CSNK1G1: variants seen among roughly 807,000 people sequenced by gnomAD.
The protein encoded by CSNK1G1 is casein kinase I isoform gamma-1.
Under a neutral mutation model 59.6 loss-of-function variants are expected in CSNK1G1, and 22 were observed. The observed-to-expected ratio is 0.37, with a 90% CI of 0.26 to 0.53. The LOEUF (loss-of-function observed/expected upper bound fraction) is 0.53, where lower values mean the gene tolerates loss of function less well. CSNK1G1 is among the 20% of genes least tolerant of loss of function. The pLI, the probability that CSNK1G1 is intolerant of heterozygous loss-of-function variation, is 0.89. For synonymous variants in CSNK1G1, 179 were observed against 177.1 expected, an observed-to-expected ratio of 1.01 and a Z score of -0.08; for missense variants, 384 against 519.5, an observed-to-expected ratio of 0.74 and a Z score of 2.54.
chr15:64,209,273 C>T (rs1234309752), intron 6 of CSNK1G1, among the ~76,000 whole-genome samples: 2 of 152,134 alleles, frequency 1.3e-5, no homozygotes, highest in Admixed American at 6.6e-5. Context: ...GACTAAGAGG[C>T]TACCTTCAAC....
intron 1 of CSNK1G1, among the ~76,000 whole-genome samples, chr15:64,329,418 A>G (rs1352217157): frequency 0.014 from 2,088 of 144,664 alleles, 43 homozygotes; most frequent in African/African-American, 0.044. Context: ...CTGCTCCTGA[A>G]TGACTACTGG....
At chr15:64,317,529 TC>T in intron 1 of CSNK1G1, among the ~76,000 whole-genome samples, 1 of 62,512 alleles carries the variant, frequency 1.6e-5, no homozygotes, top group South Asian at 1.1e-3. Context: ...ATAAGGTTTC[TC>T]TTTTTTTTTT....
chr15:64,256,698 G>T (rs1892392401), intron 3 of CSNK1G1, among the ~76,000 whole-genome samples: 2 of 152,070 alleles, frequency 1.3e-5, no homozygotes, highest in African/African-American at 4.8e-5. Flanking sequence ...TAAAGGAGGG[G>T]CTCATTACAC....
intron 4 of CSNK1G1, among the ~76,000 whole-genome samples, chr15:64,221,346 A>G (rs1469531040): frequency 6.6e-6 from 1 of 152,220 alleles, no homozygotes; most frequent in African/African-American, 2.4e-5. Flanking sequence ...ATCTTTTGCC[A>G]GAAGTTTCCA....
chr15:64,292,209 CAAAA>C (rs771506245), intron 2 of CSNK1G1, among the ~76,000 whole-genome samples: 19 of 55,180 alleles, frequency 3.4e-4, no homozygotes, highest in Admixed American at 8.0e-4. Flanking sequence ...GACTCCGTCA[CAAAA>C]AAAAAAAAAA....
chr15:64,264,920 T>C (rs1424721149), intron 2 of CSNK1G1, among the ~76,000 whole-genome samples: 1 of 152,168 alleles, frequency 6.6e-6, no homozygotes, highest in Non-Finnish European at 1.5e-5. Context: ...AATATCAGAC[T>C]GAATGGGGAA....
At chr15:64,344,029 T>C (rs1265723994) in intron 1 of CSNK1G1, among the ~76,000 whole-genome samples, 1 of 152,092 alleles carries the variant, frequency 6.6e-6, no homozygotes, top group East Asian at 1.9e-4. Context: ...TTTAGCCCCT[T>C]CCTTCCCCAA....
intron 10 of CSNK1G1, chr15:64,189,423 T>G: frequency 7.8e-7 from 1 of 1,290,278 alleles, no homozygotes; most frequent in Non-Finnish European, 1.0e-6. Context: ...CCTCTTCCCC[T>G]GTGCCAGATG....
chr15:64,285,556 G>A (rs1276613920), intron 2 of CSNK1G1, among the ~76,000 whole-genome samples: 2 of 152,028 alleles, frequency 1.3e-5, no homozygotes, highest in Non-Finnish European at 2.9e-5. Context: ...CCTCAAAAAG[G>A]ACCCTACTCT....
chr15:64,186,084 G>C lies in CSNK1G1; in HGVS notation c.1108-5630C>G, dbSNP rs2081891386. Among the ~76,000 whole-genome samples the C allele has an allele frequency of 2.0e-5, 3 of 151,860 alleles. No individual in the cohort carries two copies. The South Asian group carries it at 6.2e-4, about 32-fold the overall frequency. On this transcript the variant is annotated intron_variant, in intron 10 of 11. Coordinates refer to ENST00000303052, the MANE Select transcript of CSNK1G1 (RefSeq NM_022048.5). Reference sequence around the variant, plus strand: ...GTTTCTTTCCTGTGCTGGATCTCTGGTTTCCTGGATCCCAGATATTCCTTT... The same window carrying C: ...GTTTCTTTCCTGTGCTGGATCTCTGCTTTCCTGGATCCCAGATATTCCTTT...
intron 1 of CSNK1G1, among the ~76,000 whole-genome samples, chr15:64,303,299 T>TAA (rs58473266): frequency 1.4e-5 from 2 of 142,686 alleles, no homozygotes; most frequent in Admixed American, 6.9e-5. Flanking sequence ...AAAATTAAAT[T>TAA]AAAAAAAAAA....
Position 64,299,438 on chromosome 15 carries a change from C to A in CSNK1G1, c.181+881G>T, listed in dbSNP as rs1046636920. On this transcript the variant is annotated intron_variant, in intron 2 of 11. Coordinates refer to ENST00000303052, the MANE Select transcript of CSNK1G1 (RefSeq NM_022048.5). ...CCTGTCTCTACTAAAAATACAAAAA[C>A]AAAATTAGCCGGGCGTGGTGGCGGA... is the stretch of plus-strand genomic sequence containing the variant. 5.9e-5 allele frequency among the ~76,000 whole-genome samples: 9 copies of A among 151,596 alleles called. No homozygotes were observed. In the South Asian group the frequency reaches 1.2e-3, roughly 21 times the overall value.
At chr15:64,172,861 C>A (rs922867545) in intron 11 of CSNK1G1, among the ~76,000 whole-genome samples, 3 of 152,180 alleles carry the variant, frequency 2.0e-5, no homozygotes, top group Admixed American at 2.0e-4. Context: ...GTCTGAGTAT[C>A]CCCCATCCTC....
At chr15:64,277,240 G>C (rs1893682164) in intron 2 of CSNK1G1, among the ~76,000 whole-genome samples, 1 of 152,090 alleles carries the variant, frequency 6.6e-6, no homozygotes, top group East Asian at 1.9e-4. Context: ...CAAGGTGAGA[G>C]AATCACTTGA....
At chr15:64,346,425 TA>T (rs1192409457) in intron 1 of CSNK1G1, among the ~76,000 whole-genome samples, 124 of 13,358 alleles carry the variant, frequency 9.3e-3, no homozygotes, top group African/African-American at 0.048. Flanking sequence ...AACGAGTTTT[TA>T]TTTATTTATT....
At position 64,210,077 on chromosome 15, in the gene CSNK1G1, G is replaced by A. The variant is rs2082231773; in HGVS notation, c.680-2483C>T. Among the ~76,000 whole-genome samples, 1 of 151,940 alleles carries A rather than the reference G, an allele frequency of 6.6e-6. No individual in the cohort carries two copies. Among genetic ancestry groups the A allele is most frequent in the Non-Finnish European group, 1.5e-5 (1 of 67,984 alleles). On this transcript the variant is annotated intron_variant, in intron 6 of 11. Transcript: ENST00000303052. The surrounding 1 kb of genome is among the most constrained non-coding windows in gnomAD (Gnocchi z 4.2). ...CTATGAAAAAGAACTATAGAATATG[G>A]GACAATAGGAAAAATAAGGGTTCCT...
intron 4 of CSNK1G1, among the ~76,000 whole-genome samples, chr15:64,220,092 A>G (rs1044485924): frequency 5.6e-5 from 8 of 142,920 alleles, no homozygotes; most frequent in East Asian, 2.1e-4. Context: ...TTAAAATAAC[A>G]TAACTTTTTT....
At chr15:64,173,614 CTTTTCTTTTTTT>C (rs1395595398) in intron 11 of CSNK1G1, among the ~76,000 whole-genome samples, 3 of 133,724 alleles carry the variant, frequency 2.2e-5, no homozygotes, top group Non-Finnish European at 4.9e-5. Context: ...TCTTTCTTTT[CTTTTCTTTTTTT>C]TTTTTTTTTT....
intron 1 of CSNK1G1, among the ~76,000 whole-genome samples, chr15:64,330,468 T>C (rs1419697638): frequency 6.9e-6 from 1 of 145,836 alleles, no homozygotes; most frequent in Non-Finnish European, 1.5e-5. Flanking sequence ...TTTGACAAAA[T>C]TCAACAACCC....
Sources: gnomAD v4.1 joint callset for allele counts (sites outside exome capture counted in the v4.1 genomes callset) on GRCh38, gnomAD v4.1.1 for gene constraint, Gnocchi (gnomAD v3.1) non-coding constraint, MANE v1.5 for transcripts, NCBI Gene and HGNC (gene_info 2026-07-23, HGNC 2026-07-21) for gene names.